Variants in LDB2 observed in about 807,000 individuals in gnomAD.
LDB2 encodes LIM domain-binding protein 2.
Under a neutral mutation model 44.3 loss-of-function variants are expected in LDB2, and 12 were observed. The ratio of observed to expected loss-of-function variants is 0.27; its 90% confidence interval spans 0.17 to 0.44. The LOEUF (loss-of-function observed/expected upper bound fraction) is 0.44, where lower values mean the gene tolerates loss of function less well. LDB2 is among the 20% of genes least tolerant of loss of function. The pLI is 1.00. For missense variants in LDB2, 344 were observed against 473.5 expected (o/e 0.73, Z 2.54); for synonymous variants, 164 against 174.8 (o/e 0.94, Z 0.49).
chr4:16,635,551 T>C (rs1350393861), intron 2 of LDB2, among the ~76,000 whole-genome samples: 1 of 152,216 alleles, frequency 6.6e-6, no homozygotes, highest in Non-Finnish European at 1.5e-5. Context: ...TTGCTGTTCT[T>C]GGTTTGTGCT....
At chr4:16,663,372 G>A (rs1294546758) in intron 2 of LDB2, among the ~76,000 whole-genome samples, 1 of 152,174 alleles carries the variant, frequency 6.6e-6, no homozygotes, top group Non-Finnish European at 1.5e-5. Context: ...TATTAATTGG[G>A]ACGTAACTGA....
chr4:16,581,345 T>C, intron 5 of LDB2: 1 of 888,052 alleles, frequency 1.1e-6, no homozygotes, highest in Non-Finnish European at 1.3e-6. Flanking sequence ...AAGAAGATGA[T>C]GTTCTCAGAT....
At chr4:16,562,360 A>G (rs1379062981) in intron 5 of LDB2, among the ~76,000 whole-genome samples, 1 of 152,230 alleles carries the variant, frequency 6.6e-6, no homozygotes, top group African/African-American at 2.4e-5. Context: ...AATGTACTCA[A>G]ACAAATTTAC....
At chr4:16,717,264 A>G (rs561290701) in intron 2 of LDB2, among the ~76,000 whole-genome samples, 82 of 152,248 alleles carry the variant, frequency 5.4e-4, no homozygotes, top group Admixed American at 1.9e-3. Flanking sequence ...ATAGTTGAAC[A>G]GAAGATGACT....
intron 1 of LDB2, among the ~76,000 whole-genome samples, chr4:16,827,705 C>G: frequency 6.6e-6 from 1 of 152,170 alleles, no homozygotes; most frequent in East Asian, 1.9e-4. Flanking sequence ...ACTGCAAGAT[C>G]AACATGATCT....
At chr4:16,552,736 C>T (rs907655913) in intron 5 of LDB2, among the ~76,000 whole-genome samples, 3 of 152,194 alleles carry the variant, frequency 2.0e-5, no homozygotes, top group African/African-American at 7.2e-5. Context: ...CAACAAATAC[C>T]TTTCTACCAC....
Position 16,577,918 on chromosome 4 carries a change from C to T in LDB2, c.615+8004G>A, listed in dbSNP as rs1367873165. Among the ~76,000 whole-genome samples the T allele has an allele frequency of 3.9e-5, 6 of 152,144 alleles. No individual in the cohort carries two copies. The East Asian group carries it at 9.6e-4, about 24-fold the overall frequency. On this transcript the variant is annotated intron_variant, in intron 5 of 7. Transcript: ENST00000304523. ...AACATACAAATAAATCCATAGTCTA[C>T]AGTAAACTCATTTTCAAAAAAAGTT...
At chr4:16,516,708 T>C (rs1314544830) in intron 5 of LDB2, among the ~76,000 whole-genome samples, 1 of 152,200 alleles carries the variant, frequency 6.6e-6, no homozygotes, top group Non-Finnish European at 1.5e-5. Context: ...TTTTTTGCAG[T>C]GACTTTCCTC....
chr4:16,774,942 T>C (rs370952366), intron 1 of LDB2, among the ~76,000 whole-genome samples: 34 of 152,306 alleles, frequency 2.2e-4, no homozygotes, highest in African/African-American at 8.2e-4. Context: ...CTTCAGACAA[T>C]GGTACACTAG....
intron 5 of LDB2, among the ~76,000 whole-genome samples, chr4:16,537,530 G>A (rs1025178681): frequency 6.6e-6 from 1 of 152,114 alleles, no homozygotes; most frequent in Non-Finnish European, 1.5e-5. Flanking sequence ...AACCCAGTGG[G>A]GCATTGGGAA....
chr4:16,595,025 A>G (rs1426729470), intron 3 of LDB2, among the ~76,000 whole-genome samples: 1 of 152,228 alleles, frequency 6.6e-6, no homozygotes, highest in Non-Finnish European at 1.5e-5. Flanking sequence ...TCAATTTCCT[A>G]TGTAGGGCAA....
At chr4:16,671,355 T>C (rs892161746) in intron 2 of LDB2, among the ~76,000 whole-genome samples, 1 of 152,122 alleles carries the variant, frequency 6.6e-6, no homozygotes, top group African/African-American at 2.4e-5. Context: ...AAAGCTAGTC[T>C]CCCAGGTTTG....
At chr4:16,806,908 G>A (rs1362467797) in intron 1 of LDB2, among the ~76,000 whole-genome samples, 1 of 152,148 alleles carries the variant, frequency 6.6e-6, no homozygotes, top group African/African-American at 2.4e-5. Flanking sequence ...TCATAGCATT[G>A]TTTGGAAAAT....
chr4:16,726,758 A>G (rs916952431), intron 2 of LDB2, among the ~76,000 whole-genome samples: 1 of 152,190 alleles, frequency 6.6e-6, no homozygotes, highest in South Asian at 2.1e-4. Context: ...CAATGGCTGC[A>G]TAGGGGGTTT....
At chr4:16,667,880 T>C (rs147154118) in intron 2 of LDB2, among the ~76,000 whole-genome samples, 25 of 152,306 alleles carry the variant, frequency 1.6e-4, no homozygotes, top group Non-Finnish European at 3.2e-4. Flanking sequence ...TGGCATGGCA[T>C]GTGTGGCCAA....
At position 16,838,940 on chromosome 4, in the gene LDB2, G is replaced by A. The variant is rs1785374096; in HGVS notation, c.132+59414C>T. On this transcript the variant is annotated intron_variant, in intron 1 of 7. Transcript: ENST00000304523. ...AAGCTTCCTTCCCTAGGATGAATGA[G>A]AAATTAAAATGTTGCTCTATGTTAG... Among the ~76,000 whole-genome samples the A allele has an allele frequency of 2.0e-5, 3 of 152,128 alleles. No individual in the cohort carries two copies. In the South Asian group the frequency reaches 6.2e-4, roughly 32 times the overall value.
intron 5 of LDB2, among the ~76,000 whole-genome samples, chr4:16,581,637 C>A (rs1714507462): frequency 1.3e-5 from 2 of 152,122 alleles, no homozygotes; most frequent in East Asian, 3.9e-4. Context: ...GCCTTGTCTG[C>A]CTGATGATCA....
intron 5 of LDB2, among the ~76,000 whole-genome samples, chr4:16,566,775 A>G (rs921832516): frequency 2.6e-5 from 4 of 152,212 alleles, no homozygotes; most frequent in African/African-American, 9.6e-5. Context: ...TGTTTCTTTA[A>G]AATATAACAT....
intron 5 of LDB2, among the ~76,000 whole-genome samples, chr4:16,580,601 G>A (rs914904787): frequency 6.6e-6 from 1 of 152,154 alleles, no homozygotes; most frequent in Non-Finnish European, 1.5e-5. Context: ...CAAATTCTTG[G>A]TTAGCTAATT....
Sources: allele counts gnomAD v4.1 joint callset (sites outside exome capture counted in the v4.1 genomes callset), GRCh38; gene constraint gnomAD v4.1.1; transcripts MANE v1.5; gene names NCBI Gene and HGNC (gene_info 2026-07-23, HGNC 2026-07-21).